DIAPH2: variants seen among roughly 807,000 people sequenced by gnomAD.
DIAPH2 encodes diaphanous related formin 2.
In DIAPH2, 35 loss-of-function variants were observed where a neutral mutation model predicts 92.7. The ratio of observed to expected loss-of-function variants is 0.38; its 90% CI spans 0.29 to 0.50. The LOEUF is 0.50. Ranked by LOEUF, DIAPH2 falls within the 20% of genes least tolerant of loss-of-function variation. DIAPH2 has a pLI of 0.94. For synonymous variants in DIAPH2, 301 were observed against 280.4 expected, an observed-to-expected ratio of 1.07 and a Z score of -0.73; for missense variants, 701 against 819.5, an observed-to-expected ratio of 0.86 and a Z score of 1.77.
At chrX:96,931,003 C>T (rs974489177) in intron 10 of DIAPH2, among the ~76,000 whole-genome samples, 160 bp downstream of exon 10, 7 of 111,995 alleles carry the variant, frequency 6.3e-5, no homozygotes, top group African/African-American at 2.3e-4. Context: ...ATAGCATTCT[C>T]TACATACAAA....
chrX:96,884,705 A>G (rs377302642), intron 5 of DIAPH2: 1 of 1,210,912 alleles, frequency 8.3e-7, no homozygotes, highest in Admixed American at 2.2e-5. Flanking sequence ...GGTATCCTCA[A>G]ATGTCCCACG....
rs1213096578 is a variant in DIAPH2 at position 97,330,107 on chromosome X, G to GTGTC, written c.2845-18006_2845-18005insCTGT. Among the ~76,000 whole-genome samples the GTGTC allele has an allele frequency of 5.7e-4, 55 of 97,028 alleles. 1 individual carries two copies. The highest frequency in any genetic ancestry group is 1.7e-4 in the Non-Finnish European group (8 of 47,113). 84.3% of individuals were successfully genotyped at this position (97,028 alleles called of 115,157 possible). A position where few individuals can be genotyped will look rare whatever the true frequency, so the allele number is the denominator to read the frequency against. ...TGTTTGTGTGTGTGTGTGTGTGTGT[G>GTGTC]TGTGTATGTGTGTGTATGTGTGTGT... is the stretch of plus-strand genomic sequence containing the variant. On this transcript the variant is annotated intron_variant, in intron 23 of 26. Transcript: ENST00000324765.
chrX:97,014,672 G>A (rs771736677), intron 17 of DIAPH2, among the ~76,000 whole-genome samples: 6 of 111,897 alleles, frequency 5.4e-5, no homozygotes, highest in Non-Finnish European at 1.1e-4. Flanking sequence ...AAGCTCTAGT[G>A]TGGTGCTTAA....
intron 5 of DIAPH2, among the ~76,000 whole-genome samples, chrX:96,896,197 C>T (rs2065343731): frequency 9.0e-6 from 1 of 111,185 alleles, no homozygotes; most frequent in Non-Finnish European, 1.9e-5. Flanking sequence ...CTTGATGATG[C>T]AACCCAAAAT....
At chrX:96,791,530 CTTTT>C (rs10716008) in intron 4 of DIAPH2, among the ~76,000 whole-genome samples, 1 of 91,671 alleles carries the variant, frequency 1.1e-5, no homozygotes. Flanking sequence ...AGTGAGACTC[CTTTT>C]TTTTTTTTTT....
At chrX:96,974,564 AT>A (rs1391042993) in intron 17 of DIAPH2, among the ~76,000 whole-genome samples, 1 of 112,036 alleles carries the variant, frequency 8.9e-6, no homozygotes, top group Non-Finnish European at 1.9e-5. Flanking sequence ...ATAATGTCAT[AT>A]TACAAAATAT....
At chrX:96,851,849 T>G (rs2065008197) in intron 4 of DIAPH2, among the ~76,000 whole-genome samples, 1 of 112,415 alleles carries the variant, frequency 8.9e-6, no homozygotes, top group Non-Finnish European at 1.9e-5. Context: ...TACAACATAC[T>G]GTAATTCATG....
intron 1 of DIAPH2, among the ~76,000 whole-genome samples, chrX:96,729,931 G>A (rs967082711): frequency 4.5e-5 from 5 of 112,093 alleles, no homozygotes; most frequent in Non-Finnish European, 9.4e-5. Context: ...GTAAGGTGGA[G>A]AACTGGAACT....
chrX:97,506,697 G>A (rs991828086), intron 26 of DIAPH2, among the ~76,000 whole-genome samples: 1 of 110,447 alleles, frequency 9.1e-6, no homozygotes, highest in Middle Eastern at 4.2e-3. Context: ...CACGTTATTT[G>A]GTCATTCCAG....
At chrX:97,440,594 CAAAAA>C (rs775916074) in intron 26 of DIAPH2, among the ~76,000 whole-genome samples, 2 of 39,416 alleles carry the variant, frequency 5.1e-5, no homozygotes, top group Admixed American at 3.3e-4. Context: ...CTTCGTCTCA[CAAAAA>C]AAAAAAAAAA....
chrX:96,818,798 T>G (rs1005409980), intron 4 of DIAPH2, among the ~76,000 whole-genome samples: 3 of 112,743 alleles, frequency 2.7e-5, no homozygotes, highest in Non-Finnish European at 5.6e-5. Context: ...GTTGCTGCTT[T>G]CAATATAACA....
chrX:96,754,768 A>G (rs1304168874), intron 3 of DIAPH2, among the ~76,000 whole-genome samples: 1 of 107,781 alleles, frequency 9.3e-6, no homozygotes, highest in Non-Finnish European at 1.9e-5. Context: ...CTAAAAATAC[A>G]AAAAAATTAG....
At chrX:97,469,839 T>C (rs2070547493) in intron 26 of DIAPH2, 12 of 1,144,240 alleles carry the variant, frequency 1.0e-5, no homozygotes, top group South Asian at 2.2e-5. Context: ...AAACATGATA[T>C]TCATTTTGTC....
At chrX:96,773,787 C>T (rs920595684) in intron 4 of DIAPH2, among the ~76,000 whole-genome samples, 1 of 111,353 alleles carries the variant, frequency 9.0e-6, no homozygotes, top group East Asian at 2.8e-4. Context: ...GCAGAGGTTG[C>T]AGTGAGCTGA....
intron 5 of DIAPH2, among the ~76,000 whole-genome samples, chrX:96,889,622 A>G (rs1339225883): frequency 8.9e-6 from 1 of 111,978 alleles, no homozygotes; most frequent in East Asian, 2.8e-4. Context: ...TGGGGCTTAT[A>G]TATATGGAGC....
chrX:96,845,852 C>T (rs1382698272), intron 4 of DIAPH2, among the ~76,000 whole-genome samples: 9 of 112,060 alleles, frequency 8.0e-5, no homozygotes, highest in Non-Finnish European at 1.7e-4. Context: ...ATGATCTTGG[C>T]TCACTGCAAC....
chrX:96,862,445 C>T (rs1346517124), intron 4 of DIAPH2, among the ~76,000 whole-genome samples: 1 of 111,464 alleles, frequency 9.0e-6, no homozygotes, highest in Admixed American at 9.5e-5. Flanking sequence ...AGCATTCATC[C>T]TTTCTTTAAG....
Position 97,553,550 on chromosome X carries a change from G to A in DIAPH2, c.3242-45703G>A, listed in dbSNP as rs185338020. Among the ~76,000 whole-genome samples the A allele has an allele frequency of 2.8e-3, 314 of 110,298 alleles. 2 individuals carry two copies. Among genetic ancestry groups the A allele is most frequent in the African/African-American group, 0.01 (305 of 30,371 alleles). ...GAAATAGAAATGCTAAGAGGGAAAAGTATTCAAGTCCAGTGTAGCCCAATG... is the reference window on the plus strand; with the variant it reads ...GAAATAGAAATGCTAAGAGGGAAAAATATTCAAGTCCAGTGTAGCCCAATG... On this transcript the variant is annotated intron_variant, in intron 26 of 26. Transcript: ENST00000324765.
chrX:97,589,502 A>G (rs1193340967), intron 26 of DIAPH2, among the ~76,000 whole-genome samples: 1 of 110,400 alleles, frequency 9.1e-6, no homozygotes, highest in Non-Finnish European at 1.9e-5. Context: ...TCTTTTTATC[A>G]AGTACATGTA....
Sources: allele counts gnomAD v4.1 joint callset (sites outside exome capture counted in the v4.1 genomes callset), GRCh38; gene constraint gnomAD v4.1.1; transcripts MANE v1.5; gene names NCBI Gene and HGNC (gene_info 2026-07-23, HGNC 2026-07-21).